GALNT9: variants seen among roughly 807,000 people sequenced by gnomAD.
GALNT9 encodes polypeptide N-acetylgalactosaminyltransferase 9.
GALNT9 carries 47 observed loss-of-function variants against 63.1 expected under a neutral mutation model. The ratio of observed to expected loss-of-function variants is 0.75; its 90% CI spans 0.59 to 0.95. The LOEUF is 0.95. GALNT9 is among the 40% of genes least tolerant of loss of function. The probability of loss-of-function intolerance (pLI) is 0.00; values close to 1 mark genes in which losing one functional copy is unlikely to be tolerated. For synonymous variants in GALNT9, 396 were observed against 365.7 expected (o/e 1.08, Z -0.94); for missense variants, 829 against 874.8 (o/e 0.95, Z 0.66).
Position 132,329,107 on chromosome 12 carries a change from G to A in GALNT9, c.97C>T (p.Arg33Cys). The change falls in exon 1 of 11, where the codon CGC becomes TGC. Residue 33 changes from arginine (R) to cysteine (C), a missense_variant. Arg to Cys is a radical substitution (Grantham distance 180). Transcript: ENST00000328957. ...LFSVYCRLQG[R>C]SQELVRIVSG... ...ACGATGCGCACGAGCTCCTGGGAGC[G>A]GCCCTGCAGGCGGCAGTACACGGAG... is the stretch of plus-strand genomic sequence containing the variant. The A allele has an allele frequency of 6.5e-7, 1 of 1,549,398 alleles. No individual in the cohort carries two copies.
chr12:132,274,975 T>G (rs1880023009), intron 2 of GALNT9: 1 of 152,366 alleles, frequency 6.6e-6, no homozygotes, highest in African/African-American at 2.4e-5. Flanking sequence ...ACTCTGGTGC[T>G]TGCCCCTGCT....
chr12:132,248,968 G>A (rs1377255646), intron 5 of GALNT9, among the ~76,000 whole-genome samples: 5 of 152,336 alleles, frequency 3.3e-5, no homozygotes, highest in East Asian at 3.9e-4. Context: ...AGAGTGGAGC[G>A]GGAGGATAAG....
chr12:132,196,421 G>A lies in GALNT9; in HGVS notation c.*686C>T. The A allele has an allele frequency of 2.0e-6, 2 of 985,104 alleles. No individual in the cohort carries two copies. The highest frequency in any genetic ancestry group is 3.5e-5 in the African/African-American group (2 of 57,362). The allele number at this position is 985,104 out of a possible 1,614,324, so 61.0% of individuals were successfully genotyped here. A position where few individuals can be genotyped will look rare whatever the true frequency, so the allele number is the denominator to read the frequency against. On this transcript the variant is annotated 3_prime_UTR_variant, in exon 11 of 11. Coordinates refer to ENST00000328957, the MANE Select transcript of GALNT9 (RefSeq NM_001122636.2). ...TATTTATTAAAACAGGCAAGGGGCTGGGCTGCGGCAGGGCCCAGGTGCCTG... is the reference window on the plus strand; with the variant it reads ...TATTTATTAAAACAGGCAAGGGGCTAGGCTGCGGCAGGGCCCAGGTGCCTG...
rs908793467 is a variant in GALNT9, at chr12:132,261,023, C to G, written c.686G>C (p.Arg229Pro). Residue 229 changes from arginine (R) to proline (P), a missense_variant, in exon 4 of 11, where the codon CGG becomes CCG. Physicochemically the swap from Arg to Pro is moderately radical, Grantham distance 103. Transcript: ENST00000328957. ...NSRREGLIRA[R>P]LQGWKAATAP... The stretch of plus-strand genomic sequence containing the variant: ...GGTGGCCGCCTTCCAGCCCTGCAGC[C>G]GCGCGCGGATCAGTCCTTCCCGCCG... The G allele has an allele frequency of 6.4e-7, 1 of 1,550,816 alleles. No homozygotes were observed. The highest frequency in any genetic ancestry group is 8.7e-7 in the Non-Finnish European group (1 of 1,146,840).
At position 132,296,122 on chromosome 12, in the gene GALNT9, T is replaced by C. The variant is rs868948099; in HGVS notation, c.239-9692A>G. ...AGAGCCTCCGAACAGGGAGAGCCTC[T>C]GAACAGGGAGAGCCTCTGAACAGGG... On this transcript the variant is annotated intron_variant, in intron 1 of 10. Coordinates refer to ENST00000328957, the MANE Select transcript of GALNT9 (RefSeq NM_001122636.2). The surrounding 1 kb of genome is among the most constrained non-coding windows in gnomAD (Gnocchi z 4.2). Among the ~76,000 whole-genome samples, 29 of 125,446 alleles carry C rather than the reference T, an allele frequency of 2.3e-4. No individual in the cohort carries two copies. The highest frequency in any genetic ancestry group is 3.1e-4 in the Admixed American group (4 of 12,928). The allele number at this position is 125,446 out of a possible 152,430, so 82.3% of individuals were successfully genotyped here.
rs1387714577 is a variant in GALNT9, at chr12:132,203,801, C to G, written c.1078-111G>C. The G allele has an allele frequency of 9.4e-6, 11 of 1,167,920 alleles. No homozygotes were observed. In the African/African-American group the frequency reaches 1.9e-4, roughly 20 times the overall value. 72.3% of individuals were successfully genotyped at this position (1,167,920 alleles called of 1,614,324 possible). ...GGCCCGGCCCTCTGTTCCTGGGGCA[C>G]CCCCACCACCGACGGGCCTGGTGGG... On this transcript the variant is annotated intron_variant, in intron 6 of 10. Coordinates refer to ENST00000328957, the MANE Select transcript of GALNT9 (RefSeq NM_001122636.2).
intron 5 of GALNT9, among the ~76,000 whole-genome samples, chr12:132,248,328 G>T (rs1001340753): frequency 1.3e-5 from 2 of 152,112 alleles, no homozygotes; most frequent in African/African-American, 4.8e-5. Context: ...AAGATCAATC[G>T]GCCGGCACAG....
chr12:132,329,042 C>T lies in GALNT9; in HGVS notation c.162G>A (p.Val54=). The change falls in exon 1 of 11, where the codon GTG becomes GTA. Residue 54 remains valine, a synonymous_variant. Coordinates refer to ENST00000328957, the MANE Select transcript of GALNT9 (RefSeq NM_001122636.2). ...DRRVRSRHAK[V]GTLGDREAIL... The stretch of plus-strand genomic sequence containing the variant: ...TGGCCTCACGGTCCCCCAGCGTGCC[C>T]ACCTTGGCGTGTCGGCTGCGCACCC... The T allele has an allele frequency of 1.3e-6, 2 of 1,546,184 alleles. No individual in the cohort carries two copies. Among genetic ancestry groups the T allele is most frequent in the Non-Finnish European group, 1.7e-6 (2 of 1,146,192 alleles).
chr12:132,204,780 A>T (rs898336175), intron 6 of GALNT9, among the ~76,000 whole-genome samples: 26 of 152,032 alleles, frequency 1.7e-4, no homozygotes, highest in African/African-American at 6.3e-4. Flanking sequence ...CCCCATTAAA[A>T]AAAGGCCGAT....
intron 10 of GALNT9, 38 bp downstream of exon 10, chr12:132,197,754 C>T (rs1465160576): frequency 3.5e-5 from 47 of 1,337,320 alleles, no homozygotes; most frequent in South Asian, 1.0e-4. Flanking sequence ...AGCCCTGCCC[C>T]GCCCCAACCC....
chr12:132,267,925 ACAT>A (rs1879699817), intron 2 of GALNT9, among the ~76,000 whole-genome samples: 8 of 150,440 alleles, frequency 5.3e-5, no homozygotes, highest in African/African-American at 1.7e-4. Context: ...GCACTCACAC[ACAT>A]GCACACACAC....
At chr12:132,254,027 T>TC (rs1359712073) in intron 5 of GALNT9, among the ~76,000 whole-genome samples, 7 of 144,218 alleles carry the variant, frequency 4.9e-5, no homozygotes, top group African/African-American at 1.8e-4. Context: ...TGTTTTTTCT[T>TC]TTTTTTTTTT....
At chr12:132,260,416 C>T (rs1593090095) in intron 4 of GALNT9, among the ~76,000 whole-genome samples, 1 of 152,306 alleles carries the variant, frequency 6.6e-6, no homozygotes, top group Admixed American at 6.5e-5. Flanking sequence ...GGCCCCAGGA[C>T]CCCATACACA....
Position 132,197,810 on chromosome 12 carries a change from C to G in GALNT9, c.1647G>C (p.Arg549=). ...KCEDVARPTQ[R]LWDFTQSGPI... is the part of the protein sequence containing the mutation. ...GGCTGACCTGGGTGAAGTCCCACAG[C>G]CGCTGTGTTGGCCGCGCCACATCCT... Residue 549 remains arginine, a synonymous_variant, in exon 10 of 11, where the codon CGG becomes CGC. Coordinates refer to ENST00000328957, the MANE Select transcript of GALNT9 (RefSeq NM_001122636.2). 6.3e-7 allele frequency: 1 copy of G among 1,587,556 alleles called. No individual in the cohort carries two copies. The highest frequency in any genetic ancestry group is 1.3e-5 in the African/African-American group (1 of 74,774).
At chr12:132,291,429 A>G (rs1360800507) in intron 1 of GALNT9, among the ~76,000 whole-genome samples, 25 of 100,288 alleles carry the variant, frequency 2.5e-4, no homozygotes, top group African/African-American at 9.2e-4. Flanking sequence ...CAGCACCCAC[A>G]ACCACAGCGC....
At chr12:132,305,598 A>C (rs113953422) in intron 1 of GALNT9, among the ~76,000 whole-genome samples, 2,317 of 28,076 alleles carry the variant, frequency 0.083, no homozygotes, top group Non-Finnish European at 0.1. Flanking sequence ...CCCGGGCACA[A>C]CCTCACCCGG....
At chr12:132,207,444 C>T (rs1159063571) in intron 6 of GALNT9, among the ~76,000 whole-genome samples, 2 of 152,252 alleles carry the variant, frequency 1.3e-5, no homozygotes, top group African/African-American at 4.8e-5. Flanking sequence ...CACATGGGAA[C>T]CTGGTGGGAC....
At chr12:132,254,362 T>C (rs1453515882) in intron 5 of GALNT9, among the ~76,000 whole-genome samples, 5 of 152,252 alleles carry the variant, frequency 3.3e-5, no homozygotes, top group African/African-American at 1.2e-4. Flanking sequence ...TTCAAGTGTA[T>C]GCAAAAGGAG....
At chr12:132,225,560 A>G (rs1445703806) in intron 6 of GALNT9, among the ~76,000 whole-genome samples, 2 of 147,060 alleles carry the variant, frequency 1.4e-5, no homozygotes, top group African/African-American at 2.5e-5. Flanking sequence ...CACACTGTAC[A>G]TACACACCCC....
Sources: allele counts gnomAD v4.1 joint callset (sites outside exome capture counted in the v4.1 genomes callset), GRCh38; gene constraint gnomAD v4.1.1; non-coding constraint Gnocchi (gnomAD v3.1); transcripts MANE v1.5; gene names NCBI Gene and HGNC (gene_info 2026-07-23, HGNC 2026-07-21).